NAV3: variants seen among roughly 807,000 people sequenced by gnomAD.
NAV3 encodes the protein pore membrane and/or filament interacting like protein 1.
NAV3 carries 87 observed loss-of-function variants against 244.7 expected under a neutral mutation model. That is an observed-to-expected ratio of 0.36 (90% CI 0.30 to 0.42). The LOEUF (loss-of-function observed/expected upper bound fraction) is 0.42. NAV3 is among the 20% of genes least tolerant of loss of function. The pLI, the probability that NAV3 is intolerant of heterozygous loss-of-function variation, is 1.00. For missense variants in NAV3, 2,663 were observed against 2,893.3 expected (o/e 0.92, Z 1.83); for synonymous variants, 1,126 against 1,042.2 (o/e 1.08, Z -1.55).
intron 2 of NAV3, among the ~76,000 whole-genome samples, chr12:77,725,996 A>G (rs1876859566): frequency 1.3e-5 from 2 of 151,956 alleles, no homozygotes; most frequent in African/African-American, 2.4e-5. Context: ...CACCGAAAGA[A>G]CACTTTTAAT....
chr12:77,910,252 C>G (rs930941921), intron 1 of NAV3, among the ~76,000 whole-genome samples: 1 of 151,952 alleles, frequency 6.6e-6, no homozygotes, highest in African/African-American at 2.4e-5. Flanking sequence ...CAGGAAGCTT[C>G]CAATCATGGT....
At chr12:77,667,239 C>A (rs534569060) in intron 2 of NAV3, among the ~76,000 whole-genome samples, 6 of 152,164 alleles carry the variant, frequency 3.9e-5, no homozygotes, top group African/African-American at 1.4e-4. Context: ...AGGAACATAC[C>A]AGGAAAGGCG....
chr12:77,905,776 C>G (rs1391054074), intron 1 of NAV3, among the ~76,000 whole-genome samples: 3 of 152,038 alleles, frequency 2.0e-5, no homozygotes, highest in Non-Finnish European at 4.4e-5. Context: ...TATGGCTGAC[C>G]AGACCCATAA....
intron 34 of NAV3, among the ~76,000 whole-genome samples, chr12:78,194,771 G>T (rs1251189964): frequency 1.3e-5 from 2 of 151,876 alleles, no homozygotes; most frequent in African/African-American, 4.8e-5. Context: ...TTCCTACATG[G>T]ATATCATATT....
intron 2 of NAV3, among the ~76,000 whole-genome samples, chr12:77,572,784 T>C (rs1198452575): frequency 6.6e-6 from 1 of 152,224 alleles, no homozygotes; most frequent in Non-Finnish European, 1.5e-5. Flanking sequence ...TGATTCTACA[T>C]GATGTCAAAA....
rs151152184 is a variant in NAV3 at position 77,958,251 on chromosome 12, A to G, written c.415-7978A>G. ...TTGAAAAATTTCTGTTCCATTTTTC[A>G]TGTGAGTAGTTGAAATAATTCAGTG... On this transcript the variant is annotated intron_variant, in intron 3 of 39. Coordinates refer to ENST00000397909, the MANE Select transcript of NAV3 (RefSeq NM_001024383.2). 2.5e-3 allele frequency among the ~76,000 whole-genome samples: 379 copies of G among 152,284 alleles called. 4 individuals carry two copies. The highest frequency in any genetic ancestry group is 7.7e-3 in the African/African-American group (320 of 41,576).
Position 77,646,842 on chromosome 12 carries a change from G to C in NAV3, c.72+74576G>C, listed in dbSNP as rs187663085. On this transcript the variant is annotated intron_variant, in intron 2 of 8. Transcript: ENST00000550042. ...ATAAATTTAAAATGTGTATGTAAAT[G>C]GCAAAATCATTTTGGAGATTAATTT... Among the ~76,000 whole-genome samples, 6 of 152,142 alleles carry C rather than the reference G, an allele frequency of 3.9e-5. No individual in the cohort carries two copies. The East Asian group carries it at 1.2e-3, about 29-fold the overall frequency.
chr12:78,043,864 CT>C (rs1881305029), intron 9 of NAV3, among the ~76,000 whole-genome samples: 2 of 152,236 alleles, frequency 1.3e-5, no homozygotes, highest in African/African-American at 4.8e-5. Flanking sequence ...CAAAAATTGT[CT>C]CCCATTCTGT....
At chr12:77,870,912 T>C (rs551366631) in intron 1 of NAV3, among the ~76,000 whole-genome samples, 24 of 152,228 alleles carry the variant, frequency 1.6e-4, no homozygotes, top group Non-Finnish European at 3.2e-4. Flanking sequence ...GGACTTGTTC[T>C]ATCCTTAAAG....
At chr12:77,746,443 G>A (rs1395418723) in intron 2 of NAV3, among the ~76,000 whole-genome samples, 1 of 152,154 alleles carries the variant, frequency 6.6e-6, no homozygotes, top group East Asian at 1.9e-4. Context: ...CTACTGGGAT[G>A]TTAAGGAGCT....
chr12:77,880,536 G>T (rs1882495637), intron 1 of NAV3, among the ~76,000 whole-genome samples: 2 of 152,064 alleles, frequency 1.3e-5, no homozygotes, highest in Admixed American at 6.6e-5. Context: ...GAGTTATGTG[G>T]TTCATTGATG....
At position 77,615,373 on chromosome 12, in the gene NAV3, G is replaced by T. The variant is rs547012213; in HGVS notation, c.72+43107G>T. On this transcript the variant is annotated intron_variant, in intron 2 of 8. Transcript: ENST00000550042. ...CAAGATAGTGATCATGATAGTACCT[G>T]ATCTATGGATCAGTGTTTACAGTGT... Among the ~76,000 whole-genome samples, 76 of 152,238 alleles carry T rather than the reference G, an allele frequency of 5.0e-4. 1 individual carries two copies. In the South Asian group the frequency reaches 0.016, roughly 31 times the overall value.
intron 3 of NAV3, among the ~76,000 whole-genome samples, chr12:77,962,710 G>A (rs1201409043): frequency 6.6e-6 from 1 of 152,070 alleles, no homozygotes; most frequent in Non-Finnish European, 1.5e-5. Context: ...ACATATTGTG[G>A]ATTACCATCC....
At chr12:77,595,957 G>A (rs111559542) in intron 2 of NAV3, among the ~76,000 whole-genome samples, 24 of 152,274 alleles carry the variant, frequency 1.6e-4, no homozygotes, top group Middle Eastern at 3.4e-3. Flanking sequence ...ATTTTAAATT[G>A]TGTTAAGTAG....
intron 34 of NAV3, among the ~76,000 whole-genome samples, chr12:78,195,632 TGCC>T (rs1565790215): frequency 6.6e-6 from 1 of 152,010 alleles, no homozygotes; most frequent in Non-Finnish European, 1.5e-5. Context: ...ATAGGCCACA[TGCC>T]TCCTTTATCC....
At chr12:77,782,715 T>A (rs1002607233) in intron 2 of NAV3, among the ~76,000 whole-genome samples, 1 of 151,942 alleles carries the variant, frequency 6.6e-6, no homozygotes, top group Non-Finnish European at 1.5e-5. Context: ...ATCATCACAC[T>A]TGTAATGGGA....
chr12:77,954,741 G>A (rs1398143514), intron 3 of NAV3, among the ~76,000 whole-genome samples: 1 of 152,110 alleles, frequency 6.6e-6, no homozygotes, highest in Admixed American at 6.6e-5. Flanking sequence ...AGTATCTTAT[G>A]AGTTAGTGTA....
chr12:77,626,150 G>A (rs1371679778), intron 2 of NAV3, among the ~76,000 whole-genome samples: 2 of 151,804 alleles, frequency 1.3e-5, no homozygotes, highest in African/African-American at 4.8e-5. Context: ...AATGGTAAAA[G>A]TAACAAATAC....
chr12:77,879,983 C>T, intron 1 of NAV3, among the ~76,000 whole-genome samples: 1 of 152,014 alleles, frequency 6.6e-6, no homozygotes, highest in East Asian at 1.9e-4. Flanking sequence ...ATGCATAATC[C>T]TGATAATCCC....
Sources: gnomAD v4.1 joint callset for allele counts (sites outside exome capture counted in the v4.1 genomes callset) on GRCh38, gnomAD v4.1.1 for gene constraint, MANE v1.5 for transcripts, NCBI Gene and HGNC (gene_info 2026-07-23, HGNC 2026-07-21) for gene names.